The following NRXN1 variants were observed in gnomAD, a reference collection of about 807,000 sequenced individuals.
The protein encoded by NRXN1 is neurexin-1.
NRXN1 carries 39 observed loss-of-function variants against 150.9 expected under a neutral mutation model. That is an observed-to-expected ratio of 0.26 (90% CI 0.20 to 0.34). NRXN1 has a LOEUF of 0.34. NRXN1 is among the 10% of genes least tolerant of loss of function. NRXN1 has a pLI of 1.00. For synonymous variants in NRXN1, 924 were observed against 757.0 expected (o/e 1.22, Z -3.62); for missense variants, 1,815 against 1,949.9 (o/e 0.93, Z 1.30).
chr2:50,488,077 A>G (rs986540766), intron 15 of NRXN1, among the ~76,000 whole-genome samples: 5 of 152,212 alleles, frequency 3.3e-5, no homozygotes, highest in African/African-American at 1.2e-4. Flanking sequence ...ATCACCTTGA[A>G]GAATTTAGGC....
intron 21 of NRXN1, among the ~76,000 whole-genome samples, chr2:50,026,749 C>T (rs1688342826): frequency 6.6e-6 from 1 of 151,558 alleles, no homozygotes; most frequent in Non-Finnish European, 1.5e-5. Context: ...GAATATATCA[C>T]CCGAAAATGA....
intron 21 of NRXN1, among the ~76,000 whole-genome samples, chr2:50,005,943 G>C (rs1449837501): frequency 1.3e-5 from 2 of 152,096 alleles, no homozygotes; most frequent in Non-Finnish European, 2.9e-5. Context: ...GCCCTATAGA[G>C]AGGTTTCTGA....
chr2:50,258,102 A>G (rs1005651396), intron 17 of NRXN1, among the ~76,000 whole-genome samples: 1 of 152,010 alleles, frequency 6.6e-6, no homozygotes, highest in Non-Finnish European at 1.5e-5. Flanking sequence ...CTTACTGATT[A>G]GGGTGGTGGC....
chr2:50,061,705 T>G (rs1368545945), intron 19 of NRXN1, among the ~76,000 whole-genome samples: 1 of 152,176 alleles, frequency 6.6e-6, no homozygotes, highest in African/African-American at 2.4e-5. Flanking sequence ...CATTGAATAG[T>G]TAAAAGATAA....
chr2:50,017,748 A>G (rs886246685), intron 21 of NRXN1, among the ~76,000 whole-genome samples: 5 of 151,084 alleles, frequency 3.3e-5, no homozygotes, highest in Non-Finnish European at 5.9e-5. Flanking sequence ...ACAGACCTTT[A>G]AGGTTGGAAA....
intron 17 of NRXN1, among the ~76,000 whole-genome samples, chr2:50,443,363 T>C (rs906519851): frequency 2.6e-5 from 4 of 152,200 alleles, no homozygotes; most frequent in African/African-American, 9.6e-5. Flanking sequence ...TTTAGCTTTG[T>C]CTTCAAGTAC....
In NRXN1 at chr2:51,027,762, A is replaced by T. The variant is rs2105329392; in HGVS notation, c.512T>A (p.Leu171Gln). Residue 171 changes from leucine to glutamine, a missense_variant, in exon 2 of 23, where the codon CTG becomes CAG. Physicochemically the swap from Leu to Gln is moderately radical, Grantham distance 113. Around this residue, in one of 6 missense-constraint regions of NRXN1, gnomAD observed 554 missense variants for 478.8 expected, o/e 1.16. Transcript: ENST00000401669. ...GGGCTCCCGCTCCCTCACCGAGGCC[A>T]GGGTGAGCTTGAGCGCCGCGGCGCG... ...ELRAAALKLT[L>Q]ASVREREPFK... The T allele has an allele frequency of 6.8e-6, 11 of 1,612,330 alleles. No homozygotes were observed. Among genetic ancestry groups the T allele is most frequent in the Non-Finnish European group, 9.3e-6 (11 of 1,179,246 alleles).
At chr2:50,578,165 T>C (rs1237664722) in intron 8 of NRXN1, among the ~76,000 whole-genome samples, 1 of 152,178 alleles carries the variant, frequency 6.6e-6, no homozygotes, top group Admixed American at 6.5e-5. Flanking sequence ...TTAAATCCAA[T>C]GCTCTAGACT....
At chr2:50,283,997 G>A (rs2071794104) in intron 17 of NRXN1, among the ~76,000 whole-genome samples, 1 of 152,034 alleles carries the variant, frequency 6.6e-6, no homozygotes, top group African/African-American at 2.4e-5. Flanking sequence ...AAAGTTCCTT[G>A]GGAGAAGTGC....
intron 17 of NRXN1, among the ~76,000 whole-genome samples, chr2:50,283,700 C>T (rs1393275610): frequency 1.3e-5 from 2 of 152,104 alleles, no homozygotes; most frequent in Admixed American, 6.6e-5. Flanking sequence ...ATAACTGTTA[C>T]ACATTTGAAT....
chr2:50,825,720 C>A (rs2105851886), intron 5 of NRXN1, among the ~76,000 whole-genome samples: 1 of 152,256 alleles, frequency 6.6e-6, no homozygotes, highest in South Asian at 2.1e-4. Flanking sequence ...TAATGGAACC[C>A]AAGGATGGGG....
intron 12 of NRXN1, among the ~76,000 whole-genome samples, chr2:50,522,672 CAT>C (rs1181143085): frequency 1.4e-5 from 2 of 144,888 alleles, no homozygotes; most frequent in African/African-American, 2.6e-5. Flanking sequence ...TAAGTTTAAA[CAT>C]GTGGATAATT....
intron 18 of NRXN1, among the ~76,000 whole-genome samples, chr2:50,173,504 C>G (rs759062316): frequency 1.3e-5 from 2 of 152,104 alleles, no homozygotes; most frequent in Admixed American, 1.3e-4. Context: ...AAGACAACAA[C>G]GTTCATTCAG....
At chr2:50,555,795 G>GA (rs1425600511) in intron 8 of NRXN1, among the ~76,000 whole-genome samples, 1 of 152,052 alleles carries the variant, frequency 6.6e-6, no homozygotes, top group African/African-American at 2.4e-5. Flanking sequence ...TATTTCTCTA[G>GA]AAAAAAGCAT....
intron 15 of NRXN1, among the ~76,000 whole-genome samples, chr2:50,482,482 C>T (rs2090545327): frequency 1.3e-5 from 2 of 151,760 alleles, no homozygotes; most frequent in Admixed American, 1.3e-4. Context: ...GCAGACAATT[C>T]TGTCACCATT....
intron 5 of NRXN1, among the ~76,000 whole-genome samples, chr2:50,908,713 T>G (rs748095734): frequency 4.6e-5 from 7 of 152,084 alleles, no homozygotes; most frequent in Non-Finnish European, 7.4e-5. Flanking sequence ...GTTGAAAACT[T>G]AATCCTCAAA....
At chr2:50,463,397 C>G (rs186636072) in intron 17 of NRXN1, among the ~76,000 whole-genome samples, 1 of 151,728 alleles carries the variant, frequency 6.6e-6, no homozygotes, top group Non-Finnish European at 1.5e-5. Flanking sequence ...AGCCAAGGAA[C>G]CATTTCACAT....
At chr2:50,299,634 G>A (rs921309105) in intron 17 of NRXN1, among the ~76,000 whole-genome samples, 1 of 151,942 alleles carries the variant, frequency 6.6e-6, no homozygotes, top group Non-Finnish European at 1.5e-5. Flanking sequence ...TAAATATCAA[G>A]CCCTTGTTTT....
At chr2:50,236,752 A>T (rs774477074) in intron 18 of NRXN1, 37 bp downstream of exon 18, 1 of 1,602,372 alleles carries the variant, frequency 6.2e-7, no homozygotes, top group Non-Finnish European at 8.5e-7. Context: ...GTTAACAGTA[A>T]AAAGTAAAAG....
Sources: gnomAD v4.1 joint callset for allele counts (sites outside exome capture counted in the v4.1 genomes callset) on GRCh38, gnomAD v4.1.1 for gene constraint, gnomAD v4.1.1 regional missense constraint, MANE v1.5 for transcripts, NCBI Gene and HGNC (gene_info 2026-07-23, HGNC 2026-07-21) for gene names.